Variants in CDKAL1 observed in about 807,000 individuals in gnomAD.
The protein encoded by CDKAL1 is CDKAL1 threonylcarbamoyladenosine tRNA methylthiotransferase.
A neutral mutation model predicts 68.2 loss-of-function variants in CDKAL1; 32 were observed. The observed-to-expected ratio is 0.47, with a 90% CI of 0.35 to 0.63. The LOEUF (loss-of-function observed/expected upper bound fraction) is 0.63. Among genes scored for constraint, CDKAL1 ranks in the 30% least tolerant of loss-of-function variants. The probability of loss-of-function intolerance (pLI) is 0.00; values close to 1 mark genes in which losing one functional copy is unlikely to be tolerated. For synonymous variants in CDKAL1, 234 were observed against 244.3 expected, an observed-to-expected ratio of 0.96 and a Z score of 0.39; for missense variants, 606 against 696.7, an observed-to-expected ratio of 0.87 and a Z score of 1.47.
intron 5 of CDKAL1, among the ~76,000 whole-genome samples, chr6:20,651,751 GTT>G (rs1375862239): frequency 2.6e-5 from 4 of 152,172 alleles, no homozygotes; most frequent in African/African-American, 7.2e-5. Context: ...TTTATTGAGA[GTT>G]TTTAACATGA....
chr6:20,618,549 G>A (rs1767031800), intron 4 of CDKAL1, among the ~76,000 whole-genome samples: 1 of 152,194 alleles, frequency 6.6e-6, no homozygotes, highest in South Asian at 2.1e-4. Context: ...AAGGCTTAAT[G>A]CTAGAAATTG....
chr6:20,639,039 A>T (rs527393292), intron 4 of CDKAL1, among the ~76,000 whole-genome samples: 10 of 152,276 alleles, frequency 6.6e-5, no homozygotes, highest in Admixed American at 1.3e-4. Flanking sequence ...TCTTTTCTAC[A>T]TGGTAAGTAC....
intron 11 of CDKAL1, among the ~76,000 whole-genome samples, chr6:21,039,844 T>C (rs1322457328): frequency 2.6e-5 from 4 of 152,198 alleles, no homozygotes; most frequent in African/African-American, 9.6e-5. Context: ...TCTATTTTGT[T>C]GTCTACTATT....
intron 8 of CDKAL1, among the ~76,000 whole-genome samples, chr6:20,784,381 A>C (rs1012173658): frequency 6.8e-5 from 9 of 133,202 alleles, no homozygotes; most frequent in Non-Finnish European, 1.5e-4. Context: ...CATTATTTTT[A>C]AGTGTTTTTT....
At chr6:21,003,457 T>A (rs1412789041) in intron 11 of CDKAL1, among the ~76,000 whole-genome samples, 1 of 148,086 alleles carries the variant, frequency 6.8e-6, no homozygotes, top group African/African-American at 2.5e-5. Flanking sequence ...TCCCAGCTAC[T>A]GGGGAGGCTG....
intron 8 of CDKAL1, among the ~76,000 whole-genome samples, chr6:20,786,959 G>T (rs1775703649): frequency 6.6e-6 from 1 of 151,918 alleles, no homozygotes; most frequent in Non-Finnish European, 1.5e-5. Context: ...CAGTTCTTTG[G>T]CAATTTTTAT....
At chr6:20,695,469 A>G (rs1453702531) in intron 5 of CDKAL1, among the ~76,000 whole-genome samples, 1 of 152,152 alleles carries the variant, frequency 6.6e-6, no homozygotes, top group East Asian at 1.9e-4. Context: ...ATATCATTTT[A>G]TCTTTTAGAG....
chr6:20,687,009 A>T (rs953528211), intron 5 of CDKAL1, among the ~76,000 whole-genome samples: 1 of 152,178 alleles, frequency 6.6e-6, no homozygotes, highest in African/African-American at 2.4e-5. Context: ...TTGATTTTCA[A>T]ATGTTGAACC....
rs1211009841 is a variant in CDKAL1, at chr6:20,617,764, T to G, written c.287-31529T>G. Among the ~76,000 whole-genome samples, 3 of 152,232 alleles carry G rather than the reference T, an allele frequency of 2.0e-5. No individual in the cohort carries two copies. In the East Asian group the frequency reaches 5.8e-4, roughly 29 times the overall value. Reference sequence around the variant, plus strand: ...ACATGAGCTCATCATTTTTTATGGCTGCATAGTATTCCGTGGTGTATATGT... The same window carrying G: ...ACATGAGCTCATCATTTTTTATGGCGGCATAGTATTCCGTGGTGTATATGT... On this transcript the variant is annotated intron_variant, in intron 4 of 15. Coordinates refer to ENST00000274695, the MANE Select transcript of CDKAL1 (RefSeq NM_017774.3).
chr6:20,555,814 G>A (rs1764017915), intron 4 of CDKAL1, among the ~76,000 whole-genome samples: 1 of 151,330 alleles, frequency 6.6e-6, no homozygotes, highest in African/African-American at 2.4e-5. Context: ...AGTAGAGACG[G>A]GGTTTCACTG....
intron 8 of CDKAL1, among the ~76,000 whole-genome samples, chr6:20,781,818 T>C (rs1775443619): frequency 6.6e-6 from 1 of 152,234 alleles, no homozygotes; most frequent in Admixed American, 6.5e-5. Flanking sequence ...TTGTTTCATA[T>C]GCATTTATTG....
intron 13 of CDKAL1, chr6:21,135,604 A>G: frequency 1.4e-6 from 1 of 734,534 alleles, no homozygotes; most frequent in Non-Finnish European, 1.7e-6. Flanking sequence ...ATGCTAGTTG[A>G]CTACATAATT....
chr6:21,006,288 A>G (rs1290787372), intron 11 of CDKAL1, among the ~76,000 whole-genome samples: 1 of 152,184 alleles, frequency 6.6e-6, no homozygotes, highest in East Asian at 1.9e-4. Flanking sequence ...ATCAGAAGAA[A>G]AGAAAATAAA....
At chr6:20,951,307 A>G (rs560360996) in intron 9 of CDKAL1, among the ~76,000 whole-genome samples, 13 of 152,374 alleles carry the variant, frequency 8.5e-5, no homozygotes, top group African/African-American at 3.1e-4. Context: ...AGTGAAGCTC[A>G]TACATAGTTA....
intron 10 of CDKAL1, among the ~76,000 whole-genome samples, chr6:20,966,524 A>G (rs1424726174): frequency 6.6e-6 from 1 of 152,190 alleles, no homozygotes; most frequent in Non-Finnish European, 1.5e-5. Context: ...GAGAAAATCA[A>G]ACTGATTGTT....
intron 13 of CDKAL1, among the ~76,000 whole-genome samples, chr6:21,145,225 CAAT>C (rs1437338765): frequency 6.6e-6 from 1 of 152,048 alleles, no homozygotes. Context: ...TGTTTGTTCT[CAAT>C]GATGAAGAGC....
At chr6:20,583,791 C>CCCCA (rs1765233109) in intron 4 of CDKAL1, among the ~76,000 whole-genome samples, 1 of 150,308 alleles carries the variant, frequency 6.7e-6, no homozygotes, top group African/African-American at 2.4e-5. Context: ...AGCGCCCCCC[C>CCCCA]CCACTAGTTT....
chr6:20,618,824 A>G (rs888031535), intron 4 of CDKAL1, among the ~76,000 whole-genome samples: 1 of 152,032 alleles, frequency 6.6e-6, no homozygotes, highest in African/African-American at 2.4e-5. Context: ...GACCACAGGC[A>G]CGTGCCACCA....
At chr6:20,643,238 C>T (rs1768273550) in intron 4 of CDKAL1, among the ~76,000 whole-genome samples, 1 of 152,120 alleles carries the variant, frequency 6.6e-6, no homozygotes, top group Admixed American at 6.5e-5. Flanking sequence ...CCTTCAGTGC[C>T]CTTCTCTAAT....
Sources: gnomAD v4.1 joint callset for allele counts (sites outside exome capture counted in the v4.1 genomes callset) on GRCh38, gnomAD v4.1.1 for gene constraint, MANE v1.5 for transcripts, NCBI Gene and HGNC (gene_info 2026-07-23, HGNC 2026-07-21) for gene names.